TOR1AIP2: variants seen among roughly 807,000 people sequenced by gnomAD.
TOR1AIP2 encodes the protein torsin-1A-interacting protein 2.
A neutral mutation model predicts 32.6 loss-of-function variants in TOR1AIP2; 20 were observed. The ratio of observed to expected loss-of-function variants is 0.61; its 90% CI spans 0.43 to 0.89. The LOEUF (loss-of-function observed/expected upper bound fraction) is 0.89, where lower values mean the gene tolerates loss of function less well. Ranked by LOEUF, TOR1AIP2 falls within the 40% of genes least tolerant of loss-of-function variation. TOR1AIP2 has a pLI of 0.00. For synonymous variants in TOR1AIP2, 214 were observed against 210.8 expected, an observed-to-expected ratio of 1.02 and a Z score of -0.13; for missense variants, 456 against 553.8, an observed-to-expected ratio of 0.82 and a Z score of 1.77.
chr1:179,852,867 C>A, intron 3 of TOR1AIP2, 56 bp from the exon 4 acceptor site: 1 of 1,200,524 alleles, frequency 8.3e-7, no homozygotes, highest in Non-Finnish European at 1.1e-6. Context: ...GGGAGAAATG[C>A]AAGTATCAGC....
At chr1:179,853,894 T>C (rs528325258) in intron 3 of TOR1AIP2, among the ~76,000 whole-genome samples, 4 of 152,200 alleles carry the variant, frequency 2.6e-5, no homozygotes, top group Non-Finnish European at 5.9e-5. Context: ...CTTAGCGAAG[T>C]GTTCAGAGGG....
At chr1:179,847,474 A>G (rs887636036) in intron 6 of TOR1AIP2, 61 bp downstream of exon 6, 2 of 1,138,126 alleles carry the variant, frequency 1.8e-6, no homozygotes, top group East Asian at 4.7e-5. Flanking sequence ...TTTTCTAGGC[A>G]TTTTCACTGA....
At chr1:179,865,140 G>A (rs1696717044) in intron 3 of TOR1AIP2, 2 of 1,612,588 alleles carry the variant, frequency 1.2e-6, no homozygotes, top group African/African-American at 1.3e-5. Flanking sequence ...AACCACTGTT[G>A]TCCACAATCA....
chr1:179,852,691 G>A lies in TOR1AIP2; in HGVS notation c.-26C>T. On this transcript the variant is annotated 5_prime_UTR_variant, in exon 4 of 7. Coordinates refer to ENST00000609928, the MANE Select transcript of TOR1AIP2 (RefSeq NM_001199260.2). Reference sequence around the variant, plus strand: ...GTTTGTGTTCTATCTCTTCAGAGTTGGGAGGATACTTTTTTTAGTACTTGG... The same window carrying A: ...GTTTGTGTTCTATCTCTTCAGAGTTAGGAGGATACTTTTTTTAGTACTTGG... The A allele has an allele frequency of 6.2e-7, 1 of 1,613,816 alleles. No homozygotes were observed. The highest frequency in any genetic ancestry group is 8.5e-7 in the Non-Finnish European group (1 of 1,179,854).
At chr1:179,849,169 G>T (rs1696028826) in intron 5 of TOR1AIP2, among the ~76,000 whole-genome samples, 1 of 151,938 alleles carries the variant, frequency 6.6e-6, no homozygotes, top group African/African-American at 2.4e-5. Flanking sequence ...TAGCTAAGTT[G>T]AGATGAAAAC....
chr1:179,864,107 C>T (rs1405744103), intron 3 of TOR1AIP2: 3 of 985,274 alleles, frequency 3.0e-6, no homozygotes, highest in African/African-American at 1.7e-5. Flanking sequence ...TAAGTATGGA[C>T]AGGTGGCATT....
At chr1:179,852,432 T>C (rs994947453) in intron 4 of TOR1AIP2, among the ~76,000 whole-genome samples, 200 bp downstream of exon 4, 3 of 152,246 alleles carry the variant, frequency 2.0e-5, no homozygotes, top group South Asian at 2.1e-4. Context: ...AACATTTATC[T>C]TCCTTATATT....
rs145661180 is a variant in TOR1AIP2 at position 179,846,578 on chromosome 1, C to G, written c.906G>C (p.Arg302=). 1 of 1,614,004 alleles carries G rather than the reference C, an allele frequency of 6.2e-7. No individual in the cohort carries two copies. The highest frequency in any genetic ancestry group is 1.3e-5 in the African/African-American group (1 of 74,886). ...EPATIIFTAA[R]EGRETLKCLS... Reference sequence around the variant, plus strand: ...GGCACTTCAGGGTCTCTCTTCCCTCCCGAGCTGCTGTAAATATGATGGTGG... The same window carrying G: ...GGCACTTCAGGGTCTCTCTTCCCTCGCGAGCTGCTGTAAATATGATGGTGG... Residue 302 remains arginine (R), a synonymous_variant, in exon 7 of 7, where the codon CGG becomes CGC. Transcript: ENST00000609928.
Position 179,850,972 on chromosome 1 carries a change from T to C in TOR1AIP2, c.426A>G (p.Glu142=). The change falls in exon 5 of 7, where the codon GAA becomes GAG. Residue 142 remains glutamate, a synonymous_variant. Coordinates refer to ENST00000609928, the MANE Select transcript of TOR1AIP2 (RefSeq NM_001199260.2). ...GAGATGCTCCAGTTCCGTCACTCGC[T>C]TCCTTAGGGAGGGCCACAGAGCTGC... ...LGSSSVALPK[E]ASDGTGASQE... is the part of the protein sequence containing the mutation. 6.2e-7 allele frequency: 1 copy of C among 1,614,198 alleles called. No homozygotes were observed. Among genetic ancestry groups the C allele is most frequent in the South Asian group, 1.1e-5 (1 of 91,078 alleles).
At chr1:179,853,052 G>C (rs1298686861) in intron 3 of TOR1AIP2, among the ~76,000 whole-genome samples, 1 of 152,160 alleles carries the variant, frequency 6.6e-6, no homozygotes, top group South Asian at 2.1e-4. Flanking sequence ...AGTTGAAAGA[G>C]TATAAAAAGT....
chr1:179,847,026 G>C (rs945295419), intron 6 of TOR1AIP2, among the ~76,000 whole-genome samples, 198 bp from the exon 7 acceptor site: 3 of 152,112 alleles, frequency 2.0e-5, no homozygotes, highest in African/African-American at 7.2e-5. Context: ...ATTATTTGAA[G>C]ATATATCTGT....
intron 4 of TOR1AIP2, among the ~76,000 whole-genome samples, chr1:179,851,704 T>C (rs1696121544): frequency 6.6e-6 from 1 of 152,182 alleles, no homozygotes; most frequent in Non-Finnish European, 1.5e-5. Flanking sequence ...TTATAGTGGA[T>C]GAGCCAGACT....
rs183751335 is a variant in TOR1AIP2, at chr1:179,848,985, A to T, written c.554-1349T>A. ...CTCTACTAAAAATACAAAAAAAAAA[A>T]ATTAGTTGGGCACGGTGGCGGGTGC... On this transcript the variant is annotated intron_variant, in intron 5 of 6. Transcript: ENST00000609928. Among the ~76,000 whole-genome samples, 438 of 152,046 alleles carry T rather than the reference A, an allele frequency of 2.9e-3. 2 individuals carry two copies. The highest frequency in any genetic ancestry group is 0.01 in the African/African-American group (427 of 41,450).
At chr1:179,866,488 C>T (rs1460757191) in intron 2 of TOR1AIP2, among the ~76,000 whole-genome samples, 1 of 152,180 alleles carries the variant, frequency 6.6e-6, no homozygotes, top group Non-Finnish European at 1.5e-5. Context: ...TCTTGGCTTA[C>T]TGCAATCTCC....
At chr1:179,868,807 C>A (rs1279549031) in intron 2 of TOR1AIP2, 1 of 152,044 alleles carries the variant, frequency 6.6e-6, no homozygotes, top group Non-Finnish European at 1.5e-5. Flanking sequence ...TTTCCACTTA[C>A]ATAAAGTTTC....
chr1:179,867,255 CAT>C (rs1696819751), intron 2 of TOR1AIP2, among the ~76,000 whole-genome samples: 2 of 152,184 alleles, frequency 1.3e-5, no homozygotes, highest in African/African-American at 2.4e-5. Context: ...GTCAAGTAGA[CAT>C]ACTGATGTGT....
chr1:179,863,015 A>C (rs541528850), intron 3 of TOR1AIP2: 1 of 157,660 alleles, frequency 6.3e-6, no homozygotes, highest in East Asian at 1.9e-4. Context: ...TCATGAGATC[A>C]AGAGATCAAG....
intron 2 of TOR1AIP2, among the ~76,000 whole-genome samples, chr1:179,872,660 G>A (rs1428745537): frequency 6.6e-6 from 1 of 152,196 alleles, no homozygotes; most frequent in Non-Finnish European, 1.5e-5. Flanking sequence ...TATTTTCTGA[G>A]TGCAGAAAGC....
chr1:179,868,827 TAAAA>T (rs1299980448), intron 2 of TOR1AIP2: 12 of 152,154 alleles, frequency 7.9e-5, no homozygotes, highest in African/African-American at 2.9e-4. Context: ...CAAAAGGATA[TAAAA>T]TTAATGTGTT....
Sources: allele counts gnomAD v4.1 joint callset (sites outside exome capture counted in the v4.1 genomes callset), GRCh38; gene constraint gnomAD v4.1.1; transcripts MANE v1.5; gene names NCBI Gene and HGNC (gene_info 2026-07-23, HGNC 2026-07-21).